ASCC3: variants seen among roughly 807,000 people sequenced by gnomAD.
The protein encoded by ASCC3 is ASC-1 complex subunit P200.
Under a neutral mutation model 256.3 loss-of-function variants are expected in ASCC3, and 158 were observed. The observed-to-expected ratio is 0.62, with a 90% CI of 0.54 to 0.70. ASCC3 has a LOEUF of 0.70. Ranked by LOEUF, ASCC3 falls within the 30% of genes least tolerant of loss-of-function variation. ASCC3 has a pLI of 0.00. For synonymous variants in ASCC3, 948 were observed against 883.4 expected, an observed-to-expected ratio of 1.07 and a Z score of -1.30; for missense variants, 2,259 against 2,626.0, an observed-to-expected ratio of 0.86 and a Z score of 3.05.
At chr6:100,761,799 A>T (rs976674514) in intron 10 of ASCC3, among the ~76,000 whole-genome samples, 2 of 152,176 alleles carry the variant, frequency 1.3e-5, no homozygotes, top group Admixed American at 1.3e-4. Context: ...GAAAAGCCCA[A>T]TGCCAGGCAG....
At chr6:100,794,074 T>C (rs1311040042) in intron 8 of ASCC3, among the ~76,000 whole-genome samples, 3 of 152,078 alleles carry the variant, frequency 2.0e-5, no homozygotes, top group Non-Finnish European at 2.9e-5. Context: ...CCTGTATATA[T>C]AGGCTGCCCC....
At chr6:100,551,425 A>C (rs754999047) in intron 36 of ASCC3, among the ~76,000 whole-genome samples, 7 of 151,948 alleles carry the variant, frequency 4.6e-5, no homozygotes, top group Non-Finnish European at 1.0e-4. Context: ...ATTGAAAGAC[A>C]ATCAAAATGA....
chr6:100,613,866 A>G (rs1562167844), intron 30 of ASCC3, among the ~76,000 whole-genome samples: 2 of 152,250 alleles, frequency 1.3e-5, no homozygotes, highest in East Asian at 3.9e-4. Flanking sequence ...GGGTAAAATA[A>G]TATCTCATTG....
intron 13 of ASCC3, among the ~76,000 whole-genome samples, chr6:100,708,721 T>C (rs539476665): frequency 6.6e-6 from 1 of 152,094 alleles, no homozygotes; most frequent in Non-Finnish European, 1.5e-5. Context: ...ATATTGCCCA[T>C]GTCAACAGGC....
chr6:100,864,044 AG>A lies in ASCC3; in HGVS notation c.241+19del. On this transcript the variant is annotated intron_variant, in intron 3 of 41. Transcript: ENST00000369162. ...TACTGGTTCTCTTTAAAAAAAAAAA[AG>A]AAAAAAAGAAAACTATACCTATCTG... is the stretch of plus-strand genomic sequence containing the variant. 6.6e-7 allele frequency: 1 copy of A among 1,508,826 alleles called. No individual in the cohort carries two copies. 93.5% of individuals were successfully genotyped at this position (1,508,826 alleles called of 1,614,324 possible).
At chr6:100,743,390 C>T (rs982794385) in intron 10 of ASCC3, among the ~76,000 whole-genome samples, 8 of 152,250 alleles carry the variant, frequency 5.3e-5, no homozygotes, top group Middle Eastern at 3.4e-3. Context: ...TCTTCGATTT[C>T]GGCCATAAGC....
intron 1 of ASCC3, among the ~76,000 whole-genome samples, chr6:100,874,954 A>G (rs1308390373): frequency 1.3e-5 from 2 of 152,242 alleles, no homozygotes; most frequent in Non-Finnish European, 1.5e-5. Flanking sequence ...AACTGATGAA[A>G]TAAGACCTAA....
intron 30 of ASCC3, among the ~76,000 whole-genome samples, chr6:100,611,657 A>AT (rs1773402438): frequency 6.6e-6 from 1 of 152,012 alleles, no homozygotes; most frequent in Admixed American, 6.6e-5. Context: ...AGACCCAGTG[A>AT]TTTTGAATAC....
At chr6:100,638,354 T>C (rs189004545) in intron 25 of ASCC3, among the ~76,000 whole-genome samples, 207 of 152,318 alleles carry the variant, frequency 1.4e-3, no homozygotes, top group African/African-American at 4.8e-3. Context: ...AACAGAATTT[T>C]TATATGCACT....
chr6:100,872,932 G>A (rs751315155), intron 1 of ASCC3, among the ~76,000 whole-genome samples: 3 of 152,096 alleles, frequency 2.0e-5, no homozygotes, highest in Non-Finnish European at 4.4e-5. Flanking sequence ...CTACCCAAAT[G>A]AGAAGAACCA....
intron 13 of ASCC3, among the ~76,000 whole-genome samples, chr6:100,694,305 A>G (rs1174854607): frequency 2.7e-5 from 4 of 150,334 alleles, no homozygotes; most frequent in Non-Finnish European, 5.9e-5. Flanking sequence ...CATCTCTAGA[A>G]TAAATTAAAA....
chr6:100,662,626 A>C, intron 14 of ASCC3, 90 bp from the exon 15 acceptor site: 2 of 1,252,124 alleles, frequency 1.6e-6, no homozygotes, highest in Non-Finnish European at 2.3e-6. Flanking sequence ...CAAAGAAATC[A>C]GAAAATTATT....
chr6:100,694,046 C>A (rs1203084808), intron 13 of ASCC3, among the ~76,000 whole-genome samples: 2 of 152,040 alleles, frequency 1.3e-5, no homozygotes, highest in Non-Finnish European at 2.9e-5. Context: ...GGAAATCTTC[C>A]AGTGGAAAGG....
At chr6:100,728,404 T>G (rs1255190104) in intron 10 of ASCC3, among the ~76,000 whole-genome samples, 1 of 151,864 alleles carries the variant, frequency 6.6e-6, no homozygotes, top group Non-Finnish European at 1.5e-5. Flanking sequence ...GAATATAAAC[T>G]TATACAATCA....
At chr6:100,675,106 A>C (rs796914499) in intron 14 of ASCC3, among the ~76,000 whole-genome samples, 21 of 151,320 alleles carry the variant, frequency 1.4e-4, no homozygotes, top group African/African-American at 5.1e-4. Flanking sequence ...TCATGCTCCC[A>C]AAAATGCAAT....
chr6:100,835,542 G>T (rs1049817349), intron 4 of ASCC3, among the ~76,000 whole-genome samples: 1 of 152,072 alleles, frequency 6.6e-6, no homozygotes, highest in Non-Finnish European at 1.5e-5. Flanking sequence ...TTTATCCATT[G>T]TGTCTTCTTG....
intron 10 of ASCC3, among the ~76,000 whole-genome samples, chr6:100,733,495 C>T (rs919347016): frequency 1.3e-5 from 2 of 152,106 alleles, no homozygotes. Flanking sequence ...CACTGGCTCC[C>T]CTTTTGCTTT....
At position 100,508,703 on chromosome 6, in the gene ASCC3, G is replaced by C. The variant is rs973912656; in HGVS notation, c.*683C>G. ...ATGAGTAAGGGGATATTATTTAAAGGAAGCAGAAGAAAACATTGAGTCAGC... is the reference window on the plus strand; with the variant it reads ...ATGAGTAAGGGGATATTATTTAAAGCAAGCAGAAGAAAACATTGAGTCAGC... On this transcript the variant is annotated 3_prime_UTR_variant, in exon 42 of 42. Transcript: ENST00000369162. The C allele has an allele frequency of 6.6e-6, 1 of 152,210 alleles. No individual in the cohort carries two copies. The highest frequency in any genetic ancestry group is 1.5e-5 in the Non-Finnish European group (1 of 68,056). The allele number at this position is 152,210 out of a possible 1,614,324, so 9.4% of individuals were successfully genotyped here.
intron 36 of ASCC3, among the ~76,000 whole-genome samples, chr6:100,553,692 T>C (rs1171263669): frequency 1.3e-5 from 2 of 152,038 alleles, no homozygotes; most frequent in African/African-American, 4.8e-5. Context: ...TGTTTTTAGA[T>C]TGCAAAAGAA....
Sources: allele counts gnomAD v4.1 joint callset (sites outside exome capture counted in the v4.1 genomes callset), GRCh38; gene constraint gnomAD v4.1.1; transcripts MANE v1.5; gene names NCBI Gene and HGNC (gene_info 2026-07-23, HGNC 2026-07-21).